The following WDR59 variants were observed in gnomAD, a reference collection of about 807,000 sequenced individuals.
The protein encoded by WDR59 is GATOR2 complex protein WDR59.
Under a neutral mutation model 131.2 loss-of-function variants are expected in WDR59, and 100 were observed. The observed-to-expected ratio is 0.76, with a 90% CI of 0.65 to 0.90. The LOEUF is 0.90. Among genes scored for constraint, WDR59 ranks in the 40% least tolerant of loss-of-function variants. WDR59 has a pLI of 0.00. For synonymous variants in WDR59, 601 were observed against 466.2 expected (o/e 1.29, Z -3.72); for missense variants, 1,203 against 1,262.2 (o/e 0.95, Z 0.71).
At chr16:74,976,238 T>G (rs2034174812) in intron 1 of WDR59, among the ~76,000 whole-genome samples, 1 of 152,116 alleles carries the variant, frequency 6.6e-6, no homozygotes, top group Non-Finnish European at 1.5e-5. Flanking sequence ...ATTTTAGTTT[T>G]TATTAGAGTA....
At chr16:74,876,196 G>C (rs1009750432) in intron 25 of WDR59, among the ~76,000 whole-genome samples, 10 of 152,172 alleles carry the variant, frequency 6.6e-5, no homozygotes, top group African/African-American at 2.4e-4. Flanking sequence ...TGGTACCTAA[G>C]GGCATATTTT....
chr16:74,926,019 T>C lies in WDR59; in HGVS notation c.652-2016A>G, dbSNP rs565161536. Among the ~76,000 whole-genome samples the C allele has an allele frequency of 5.4e-5, 8 of 147,016 alleles. No individual in the cohort carries two copies. In the East Asian group the frequency reaches 9.9e-4, roughly 18 times the overall value. On this transcript the variant is annotated intron_variant, in intron 8 of 25. Coordinates refer to ENST00000262144, the MANE Select transcript of WDR59 (RefSeq NM_030581.4). ...TGTTTTTAATAAAAAAAAAAAAAAGTATATCAGACTATATGGAAAACAGTG... is the reference window on the plus strand; with the variant it reads ...TGTTTTTAATAAAAAAAAAAAAAAGCATATCAGACTATATGGAAAACAGTG...
At chr16:74,913,828 G>T (rs576993452) in intron 13 of WDR59, among the ~76,000 whole-genome samples, 1 of 152,314 alleles carries the variant, frequency 6.6e-6, no homozygotes, top group South Asian at 2.1e-4. Flanking sequence ...TTCTGGGAAT[G>T]ATGAATATGT....
chr16:74,963,244 C>G (rs1198262790), intron 2 of WDR59: 1 of 151,954 alleles, frequency 6.6e-6, no homozygotes, highest in Non-Finnish European at 1.5e-5. Context: ...CAGAGAGACT[C>G]CGTCTTCAAA....
chr16:74,886,645 C>T (rs544101007), intron 23 of WDR59, among the ~76,000 whole-genome samples: 37 of 152,194 alleles, frequency 2.4e-4, no homozygotes, highest in Admixed American at 1.1e-3. Flanking sequence ...ATGGGCTGGG[C>T]GTTGTGGCTC....
intron 12 of WDR59, 28 bp downstream of exon 12, chr16:74,916,099 T>A (rs758115789): frequency 1.2e-6 from 2 of 1,614,094 alleles, no homozygotes; most frequent in African/African-American, 2.7e-5. Context: ...AGTGGCACCT[T>A]ACCTGAGACA....
At chr16:74,945,665 G>A (rs1357420845) in intron 6 of WDR59, among the ~76,000 whole-genome samples, 2 of 152,098 alleles carry the variant, frequency 1.3e-5, no homozygotes, top group South Asian at 4.2e-4. Context: ...TAAGCACTTA[G>A]CGCAGAAGCA....
At chr16:74,976,214 A>G (rs1170628454) in intron 1 of WDR59, among the ~76,000 whole-genome samples, 2 of 152,102 alleles carry the variant, frequency 1.3e-5, no homozygotes, top group African/African-American at 4.8e-5. Context: ...AAATAATTTG[A>G]GTTGTGCTTT....
chr16:74,929,522 G>C (rs558109859), intron 8 of WDR59, among the ~76,000 whole-genome samples: 1 of 152,264 alleles, frequency 6.6e-6, no homozygotes, highest in Admixed American at 6.5e-5. Flanking sequence ...CCAAAAGACA[G>C]GCAATAATGA....
chr16:74,890,047 A>T (rs572631801), intron 20 of WDR59, among the ~76,000 whole-genome samples: 3 of 152,376 alleles, frequency 2.0e-5, no homozygotes, highest in Non-Finnish European at 4.4e-5. Flanking sequence ...AAGTTTGAGA[A>T]ACACTAGGCT....
chr16:74,925,752 C>T (rs1450202044), intron 8 of WDR59, among the ~76,000 whole-genome samples: 2 of 149,162 alleles, frequency 1.3e-5, no homozygotes, highest in East Asian at 1.9e-4. Flanking sequence ...TTTCAATGCT[C>T]GTACAGTGGC....
chr16:74,873,946 G>T lies in WDR59; in HGVS notation c.*263C>A. On this transcript the variant is annotated 3_prime_UTR_variant, in exon 26 of 26. Coordinates refer to ENST00000262144, the MANE Select transcript of WDR59 (RefSeq NM_030581.4). ...TTTCTCCATGAAAACTTCCACCTTG[G>T]TAGCTCAGCCGACATAGACAACACA... 1 of 454,634 alleles carries T rather than the reference G, an allele frequency of 2.2e-6. No homozygotes were observed. The highest frequency in any genetic ancestry group is 2.7e-5 in the South Asian group (1 of 37,294). The allele number at this position is 454,634 out of a possible 1,614,324, so 28.2% of individuals were successfully genotyped here. A position where few individuals can be genotyped will look rare whatever the true frequency, so the allele number is the denominator to read the frequency against.
At chr16:74,969,085 A>T (rs1015448156) in intron 1 of WDR59, among the ~76,000 whole-genome samples, 1 of 152,134 alleles carries the variant, frequency 6.6e-6, no homozygotes, top group Non-Finnish European at 1.5e-5. Context: ...GGGACTGTGG[A>T]ATTTTTGTAT....
intron 1 of WDR59, among the ~76,000 whole-genome samples, chr16:74,981,958 A>G (rs1210325064): frequency 8.0e-6 from 1 of 124,770 alleles, no homozygotes; most frequent in African/African-American, 2.9e-5. Context: ...GCCTGGCCAT[A>G]TATGTATATT....
At chr16:74,893,934 CA>C in intron 18 of WDR59, 122 bp from the exon 19 acceptor site, 1 of 1,078,852 alleles carries the variant, frequency 9.3e-7, no homozygotes, top group Admixed American at 2.2e-5. Context: ...ATCATGCCCA[CA>C]ATTATGGGAA....
At chr16:74,927,544 C>G (rs559067069) in intron 8 of WDR59, among the ~76,000 whole-genome samples, 3 of 142,784 alleles carry the variant, frequency 2.1e-5, no homozygotes, top group Non-Finnish European at 4.5e-5. Flanking sequence ...GCTGAGACCG[C>G]GCCACTGCAC....
rs934691446 is a variant in WDR59, at chr16:74,910,010, C to G, written c.1390-93G>C. 4.6e-6 allele frequency: 5 copies of G among 1,091,822 alleles called. No homozygotes were observed. In the African/African-American group the frequency reaches 8.1e-5, roughly 18 times the overall value. 67.6% of individuals were successfully genotyped at this position (1,091,822 alleles called of 1,614,324 possible). A position where few individuals can be genotyped will look rare whatever the true frequency, so the allele number is the denominator to read the frequency against. ...TGAGACAAAGTCTCTCTTTGTTGCC[C>G]AGGCTGGAGTGTAGTGGTACGATCT... On this transcript the variant is annotated intron_variant, in intron 14 of 25. Coordinates refer to ENST00000262144, the MANE Select transcript of WDR59 (RefSeq NM_030581.4).
chr16:74,945,576 C>A (rs189219251), intron 6 of WDR59, among the ~76,000 whole-genome samples: 2 of 152,078 alleles, frequency 1.3e-5, no homozygotes, highest in African/African-American at 2.4e-5. Context: ...TTCAGTTATA[C>A]GCCCTCTGCA....
At chr16:74,952,952 C>G (rs1467928384) in intron 3 of WDR59, among the ~76,000 whole-genome samples, 1 of 151,970 alleles carries the variant, frequency 6.6e-6, no homozygotes, top group Non-Finnish European at 1.5e-5. Flanking sequence ...GAAAAGTTCC[C>G]TCTTCTAATA....
Sources: allele counts gnomAD v4.1 joint callset (sites outside exome capture counted in the v4.1 genomes callset), GRCh38; gene constraint gnomAD v4.1.1; transcripts MANE v1.5; gene names NCBI Gene and HGNC (gene_info 2026-07-23, HGNC 2026-07-21).